SDK2: variants seen among roughly 807,000 people sequenced by gnomAD.
SDK2 encodes protein sidekick-2.
A neutral mutation model predicts 253.9 loss-of-function variants in SDK2; 105 were observed. That is an observed-to-expected ratio of 0.41 (90% CI 0.35 to 0.49). SDK2 has a LOEUF of 0.49. SDK2 is among the 20% of genes least tolerant of loss of function. The pLI is 0.06. For missense variants in SDK2, 2,608 were observed against 3,003.0 expected (o/e 0.87, Z 3.07); for synonymous variants, 1,249 against 1,234.9 (o/e 1.01, Z -0.24).
At chr17:73,478,540 C>T (rs2063701599) in intron 2 of SDK2, among the ~76,000 whole-genome samples, 1 of 152,184 alleles carries the variant, frequency 6.6e-6, no homozygotes, top group African/African-American at 2.4e-5. Context: ...TCAGTCCACT[C>T]TTCGAAGATG....
chr17:73,551,655 A>C (rs2045061407), intron 1 of SDK2, among the ~76,000 whole-genome samples: 1 of 152,280 alleles, frequency 6.6e-6, no homozygotes, highest in East Asian at 1.9e-4. Flanking sequence ...ACATGGATTA[A>C]AAGCCTCCAA....
intron 22 of SDK2, 75 bp from the exon 23 acceptor site, chr17:73,398,504 C>T: frequency 7.7e-7 from 1 of 1,303,888 alleles, no homozygotes; most frequent in Non-Finnish European, 1.1e-6. Flanking sequence ...CAGTACAAGC[C>T]CTGCCAGGGA....
chr17:73,565,031 G>T (rs937341726), intron 1 of SDK2, among the ~76,000 whole-genome samples: 3 of 152,150 alleles, frequency 2.0e-5, no homozygotes, highest in Non-Finnish European at 4.4e-5. Context: ...AATGGCACTG[G>T]GTGAACTTCC....
intron 1 of SDK2, among the ~76,000 whole-genome samples, chr17:73,627,322 G>A (rs189620552): frequency 2.2e-4 from 33 of 152,132 alleles, no homozygotes; most frequent in African/African-American, 5.8e-4. Context: ...TTTCTTGGCG[G>A]CACATAAAAT....
chr17:73,413,472 C>T (rs9302964), intron 18 of SDK2, among the ~76,000 whole-genome samples: 144,539 of 152,106 alleles, frequency 0.95, 68,822 homozygotes, highest in Non-Finnish European at 0.99. Context: ...CTCCTCCCAC[C>T]CCAATCCATG....
At chr17:73,348,287 G>A (rs1054508401) in intron 44 of SDK2, among the ~76,000 whole-genome samples, 2 of 152,196 alleles carry the variant, frequency 1.3e-5, no homozygotes, top group Admixed American at 6.5e-5. Context: ...CACCTTCAGC[G>A]TGCTCTCTTG....
At chr17:73,572,647 G>A (rs990257757) in intron 1 of SDK2, among the ~76,000 whole-genome samples, 1 of 152,182 alleles carries the variant, frequency 6.6e-6, no homozygotes, top group Non-Finnish European at 1.5e-5. Flanking sequence ...TCTCCAGCAT[G>A]AGCCCAGTGC....
At chr17:73,539,801 G>T (rs887466105) in intron 1 of SDK2, among the ~76,000 whole-genome samples, 2 of 113,746 alleles carry the variant, frequency 1.8e-5, no homozygotes, top group Non-Finnish European at 3.6e-5. Flanking sequence ...AAGAGAGAAC[G>T]TGGGCAGAGA....
Position 73,465,154 on chromosome 17 carries a change from C to A in SDK2, c.331+6958G>T, listed in dbSNP as rs2063588496. On this transcript the variant is annotated intron_variant, in intron 3 of 44. Coordinates refer to ENST00000392650, the MANE Select transcript of SDK2 (RefSeq NM_001144952.2). This position sits in a 1 kb window ranked among gnomAD's most constrained non-coding sequence, Gnocchi z 4.2. Reference sequence around the variant, plus strand: ...CAGGCTGAAAATGAAGAGAAACAGGCCTATGGGTGGCATTTTAGGATTACT... The same window carrying A: ...CAGGCTGAAAATGAAGAGAAACAGGACTATGGGTGGCATTTTAGGATTACT... 6.6e-6 allele frequency among the ~76,000 whole-genome samples: 1 copy of A among 152,132 alleles called. No individual in the cohort carries two copies. Among genetic ancestry groups the A allele is most frequent in the Non-Finnish European group, 1.5e-5 (1 of 68,034 alleles).
At chr17:73,463,561 T>C (rs2063578207) in intron 3 of SDK2, among the ~76,000 whole-genome samples, 1 of 152,132 alleles carries the variant, frequency 6.6e-6, no homozygotes, top group African/African-American at 2.4e-5. Context: ...ATTTCTCTCC[T>C]GAATATTGAG....
intron 44 of SDK2, among the ~76,000 whole-genome samples, chr17:73,346,102 A>T (rs1264031061): frequency 1.3e-5 from 2 of 151,762 alleles, no homozygotes; most frequent in Non-Finnish European, 2.9e-5. Context: ...GCCACTTGGG[A>T]GGCTGAGGCA....
Position 73,338,875 on chromosome 17 carries a change from G to A in SDK2, c.6231C>T (p.Tyr2077=). 3 of 1,614,016 alleles carry A rather than the reference G, an allele frequency of 1.9e-6. No individual in the cohort carries two copies. Among genetic ancestry groups the A allele is most frequent in the Non-Finnish European group, 2.5e-6 (3 of 1,179,908 alleles). ...AGTTGTAGTATGTGGGGTCACTGAT[G>A]TAGTGGTTGACAAAGGAGTGGGCCT... is the stretch of plus-strand genomic sequence containing the variant. ...HQKAHSFVNH[Y]ISDPTYYNSW... is the part of the protein sequence containing the mutation. The change falls in exon 45 of 45, where the codon TAC becomes TAT. Residue 2077 remains tyrosine, a synonymous_variant. Transcript: ENST00000392650. The surrounding 1 kb of genome is among the most constrained non-coding windows in gnomAD (Gnocchi z 5.0).
intron 1 of SDK2, among the ~76,000 whole-genome samples, chr17:73,564,900 G>A (rs1232229660): frequency 6.6e-6 from 1 of 152,050 alleles, no homozygotes; most frequent in African/African-American, 2.4e-5. Context: ...GGTAAGGGTG[G>A]AGTGGCTGCT....
chr17:73,503,956 C>A (rs2063910354), intron 2 of SDK2, among the ~76,000 whole-genome samples: 1 of 152,158 alleles, frequency 6.6e-6, no homozygotes, highest in Non-Finnish European at 1.5e-5. Flanking sequence ...GAAGTATGAA[C>A]CCAGAGGTGG....
intron 1 of SDK2, among the ~76,000 whole-genome samples, chr17:73,525,476 G>A (rs989785874): frequency 6.6e-5 from 10 of 152,118 alleles, no homozygotes; most frequent in African/African-American, 2.2e-4. Flanking sequence ...AATAAAACAC[G>A]TGGTCCAAAA....
intron 12 of SDK2, among the ~76,000 whole-genome samples, chr17:73,426,753 A>C (rs2063287034): frequency 6.6e-6 from 1 of 152,214 alleles, no homozygotes; most frequent in African/African-American, 2.4e-5. Flanking sequence ...ATTTTACTTA[A>C]AAGCAAATTT....
At chr17:73,525,556 C>T (rs1002780781) in intron 1 of SDK2, among the ~76,000 whole-genome samples, 14 of 152,106 alleles carry the variant, frequency 9.2e-5, no homozygotes, top group Non-Finnish European at 2.1e-4. Context: ...GAATGGGAAC[C>T]GGAGGCTCAC....
intron 15 of SDK2, among the ~76,000 whole-genome samples, chr17:73,422,080 G>A (rs140034280): frequency 8.5e-5 from 13 of 152,230 alleles, no homozygotes; most frequent in South Asian, 4.2e-4. Context: ...TGCTCACCGC[G>A]TTCCCCAGTG....
At chr17:73,589,783 G>C (rs549761084) in intron 1 of SDK2, among the ~76,000 whole-genome samples, 1 of 152,246 alleles carries the variant, frequency 6.6e-6, no homozygotes, top group Non-Finnish European at 1.5e-5. Flanking sequence ...GAGGCAAGCC[G>C]CACATTTGGT....
Sources: allele counts gnomAD v4.1 joint callset (sites outside exome capture counted in the v4.1 genomes callset), GRCh38; gene constraint gnomAD v4.1.1; non-coding constraint Gnocchi (gnomAD v3.1); transcripts MANE v1.5; gene names NCBI Gene and HGNC (gene_info 2026-07-23, HGNC 2026-07-21).